ARHGAP15: variants seen among roughly 807,000 people sequenced by gnomAD.
The protein encoded by ARHGAP15 is Rho GTPase activating protein 15.
Under a neutral mutation model 63.7 loss-of-function variants are expected in ARHGAP15, and 51 were observed. The ratio of observed to expected loss-of-function variants is 0.80; its 90% confidence interval spans 0.64 to 1.01. The LOEUF is 1.01. Among genes scored for constraint, ARHGAP15 ranks in the 50% least tolerant of loss-of-function variants. ARHGAP15 has a pLI of 0.00. For synonymous variants in ARHGAP15, 191 were observed against 193.8 expected, an observed-to-expected ratio of 0.99 and a Z score of 0.12; for missense variants, 560 against 564.6, an observed-to-expected ratio of 0.99 and a Z score of 0.08.
chr2:143,383,878 C>T (rs1447528070), intron 6 of ARHGAP15, among the ~76,000 whole-genome samples: 2 of 152,018 alleles, frequency 1.3e-5, no homozygotes, highest in African/African-American at 4.8e-5. Flanking sequence ...ATTCTAGGGG[C>T]AGGATTTACA....
chr2:143,759,876 T>C (rs965678042), intron 13 of ARHGAP15, among the ~76,000 whole-genome samples: 10 of 152,176 alleles, frequency 6.6e-5, no homozygotes, highest in Non-Finnish European at 2.9e-5. Flanking sequence ...CAATATTCAA[T>C]AAAAGAGAAT....
chr2:143,232,233 T>C (rs2104920331), intron 5 of ARHGAP15, among the ~76,000 whole-genome samples: 1 of 152,224 alleles, frequency 6.6e-6, no homozygotes. Context: ...CATCAGCATT[T>C]TATAACAGAA....
At chr2:143,187,708 T>A (rs1355126282) in intron 2 of ARHGAP15, among the ~76,000 whole-genome samples, 1 of 152,218 alleles carries the variant, frequency 6.6e-6, no homozygotes, top group African/African-American at 2.4e-5. Flanking sequence ...CTCTGCTGAA[T>A]CATACTTATA....
intron 6 of ARHGAP15, among the ~76,000 whole-genome samples, chr2:143,416,829 ACCCC>A (rs1558957138): frequency 9.5e-6 from 1 of 104,770 alleles, no homozygotes; most frequent in African/African-American, 3.8e-5. Context: ...CCACCCCCCC[ACCCC>A]CACGCCCCCA....
intron 6 of ARHGAP15, among the ~76,000 whole-genome samples, chr2:143,255,316 T>G (rs755283707): frequency 3.3e-5 from 5 of 152,062 alleles, no homozygotes; most frequent in Non-Finnish European, 5.9e-5. Context: ...CATGGTCACA[T>G]TTCCTGGATT....
chr2:143,625,111 T>G (rs1698785482), intron 12 of ARHGAP15, among the ~76,000 whole-genome samples: 1 of 152,114 alleles, frequency 6.6e-6, no homozygotes, highest in South Asian at 2.1e-4. Context: ...GCAAGCCAGC[T>G]GATTTAAGGA....
In ARHGAP15 at chr2:143,761,444, T is replaced by C. The variant is rs1472502182; in HGVS notation, c.1245-6545T>C. On this transcript the variant is annotated intron_variant, in intron 13 of 13. Transcript: ENST00000295095. Reference sequence around the variant, plus strand: ...ATACACCTTCATAACTGGAGAGTTGTCCTCCAGGCAATTATGTGACTTTCA... The same window carrying C: ...ATACACCTTCATAACTGGAGAGTTGCCCTCCAGGCAATTATGTGACTTTCA... 3.9e-5 allele frequency among the ~76,000 whole-genome samples: 6 copies of C among 152,296 alleles called. No homozygotes were observed. In the East Asian group the frequency reaches 1.2e-3, roughly 29 times the overall value.
intron 9 of ARHGAP15, among the ~76,000 whole-genome samples, chr2:143,513,365 A>G (rs1220132018): frequency 6.6e-6 from 1 of 152,178 alleles, no homozygotes; most frequent in Non-Finnish European, 1.5e-5. Flanking sequence ...GGCAATAAAA[A>G]ATACCCTGTA....
chr2:143,545,170 C>G (rs1041549141), intron 10 of ARHGAP15, among the ~76,000 whole-genome samples: 21 of 152,148 alleles, frequency 1.4e-4, no homozygotes, highest in African/African-American at 5.1e-4. Context: ...TACGAACTCA[C>G]TTGAGAGGCA....
At chr2:143,160,543 C>T (rs1042881323) in intron 2 of ARHGAP15, among the ~76,000 whole-genome samples, 1 of 151,842 alleles carries the variant, frequency 6.6e-6, no homozygotes, top group Non-Finnish European at 1.5e-5. Context: ...ATTAGGAGTG[C>T]TGCTTTCAAG....
chr2:143,395,972 T>C (rs1354211274), intron 6 of ARHGAP15, among the ~76,000 whole-genome samples: 3 of 152,032 alleles, frequency 2.0e-5, no homozygotes, highest in Non-Finnish European at 4.4e-5. Flanking sequence ...CAGATGAAGA[T>C]GATGCTAGTC....
intron 11 of ARHGAP15, among the ~76,000 whole-genome samples, chr2:143,584,182 A>G (rs1325899382): frequency 2.0e-5 from 3 of 152,214 alleles, no homozygotes; most frequent in African/African-American, 4.8e-5. Context: ...AAAACTGGCC[A>G]GATAATCAGC....
At chr2:143,542,469 C>T (rs1695112960) in intron 10 of ARHGAP15, among the ~76,000 whole-genome samples, 1 of 151,944 alleles carries the variant, frequency 6.6e-6, no homozygotes, top group South Asian at 2.1e-4. Flanking sequence ...CTGCGTCACT[C>T]ACACTGGTAG....
chr2:143,155,587 A>T lies in ARHGAP15; in HGVS notation c.97A>T (p.Ser33Cys). 1 of 1,609,694 alleles carries T rather than the reference A, an allele frequency of 6.2e-7. No homozygotes were observed. The highest frequency in any genetic ancestry group is 8.5e-7 in the Non-Finnish European group (1 of 1,178,034). ...GCAAATGAGAATCAAAAATGCCAAC[A>T]GCCACCATGACAGGCTCAGCCAAAG... ...AVQMRIKNANSHHDRLSQSKS... is the reference protein window; with the variant it reads ...AVQMRIKNANCHHDRLSQSKS... The change falls in exon 2 of 14, where the codon AGC becomes TGC. Residue 33 changes from serine (S) to cysteine (C), a missense_variant. Coordinates refer to ENST00000295095, the MANE Select transcript of ARHGAP15 (RefSeq NM_018460.4).
chr2:143,492,233 C>T (rs576398509), intron 9 of ARHGAP15, among the ~76,000 whole-genome samples: 8 of 152,196 alleles, frequency 5.3e-5, no homozygotes, highest in African/African-American at 1.7e-4. Flanking sequence ...CAGCTCATCC[C>T]ACAGTCTCCA....
chr2:143,592,016 A>C (rs187123598), intron 11 of ARHGAP15, among the ~76,000 whole-genome samples: 413 of 152,262 alleles, frequency 2.7e-3, no homozygotes, highest in African/African-American at 9.5e-3. Flanking sequence ...ACTATAGTCC[A>C]TATCTCTGTT....
In ARHGAP15 at chr2:143,667,017, C is replaced by A. The variant is rs1682238190; in HGVS notation, c.1139-36402C>A. ...CATTGTGGAAGTCAGTGTGGCGATT[C>A]CTCAGGGATCTAGAACTAGAAATAC... On this transcript the variant is annotated intron_variant, in intron 12 of 13. Coordinates refer to ENST00000295095, the MANE Select transcript of ARHGAP15 (RefSeq NM_018460.4). Among the ~76,000 whole-genome samples, 3 of 146,726 alleles carry A rather than the reference C, an allele frequency of 2.0e-5. 1 individual carries two copies. Among genetic ancestry groups the A allele is most frequent in the African/African-American group, 7.7e-5 (3 of 39,046 alleles).
At chr2:143,218,978 A>G (rs1692879361) in intron 4 of ARHGAP15, among the ~76,000 whole-genome samples, 1 of 152,244 alleles carries the variant, frequency 6.6e-6, no homozygotes. Context: ...TCATAGGACT[A>G]CTATCTATAT....
intron 1 of ARHGAP15, among the ~76,000 whole-genome samples, chr2:143,153,828 T>TCCTCC (rs1558779357): frequency 1.3e-5 from 1 of 75,588 alleles, no homozygotes; most frequent in Non-Finnish European, 2.8e-5. Flanking sequence ...CTTCTTCTTC[T>TCCTCC]TCTTCTTCTT....
Sources: allele counts gnomAD v4.1 joint callset (sites outside exome capture counted in the v4.1 genomes callset), GRCh38; gene constraint gnomAD v4.1.1; transcripts MANE v1.5; gene names NCBI Gene and HGNC (gene_info 2026-07-23, HGNC 2026-07-21).